Variants in MROH9 observed in about 807,000 individuals in gnomAD.
MROH9 encodes maestro heat-like repeat-containing protein family member 9.
Under a neutral mutation model 98.2 loss-of-function variants are expected in MROH9, and 92 were observed. That is an observed-to-expected ratio of 0.94 (90% CI 0.79 to 1.11). The LOEUF (loss-of-function observed/expected upper bound fraction) is 1.11, where lower values mean the gene tolerates loss of function less well. Ranked by LOEUF, MROH9 falls within the 50% of genes most tolerant of loss-of-function variation. The pLI, the probability that MROH9 is intolerant of heterozygous loss-of-function variation, is 0.00. For synonymous variants in MROH9, 397 were observed against 368.9 expected (o/e 1.08, Z -0.87); for missense variants, 1,057 against 1,014.8 (o/e 1.04, Z -0.57).
intron 3 of MROH9, among the ~76,000 whole-genome samples, chr1:170,957,016 CTTTT>C (rs36026353): frequency 7.2e-6 from 1 of 139,226 alleles, no homozygotes; most frequent in Non-Finnish European, 1.5e-5. Flanking sequence ...GGATTATCTG[CTTTT>C]TTTTTTTTTT....
intron 20 of MROH9, among the ~76,000 whole-genome samples, chr1:171,033,243 C>A (rs571942521): frequency 2.0e-5 from 3 of 152,378 alleles, no homozygotes; most frequent in African/African-American, 7.2e-5. Flanking sequence ...GCCCCTCCCC[C>A]AAGGAGCTCA....
In MROH9 at chr1:171,044,005, T is replaced by C. The variant is rs370720507; in HGVS notation, c.2282-18127T>C. Among the ~76,000 whole-genome samples, 10 of 152,302 alleles carry C rather than the reference T, an allele frequency of 6.6e-5. 1 individual carries two copies. Among genetic ancestry groups the C allele is most frequent in the African/African-American group, 1.9e-4 (8 of 41,576 alleles). ...TCTAGCTAGGACTTCTAGTACTACA[T>C]TGAATAACAGCGATGACAGTGGACA... is the stretch of plus-strand genomic sequence containing the variant. On this transcript the variant is annotated intron_variant, in intron 20 of 21. Transcript: ENST00000367759.
intron 8 of MROH9, among the ~76,000 whole-genome samples, chr1:170,978,871 C>T (rs548090301): frequency 3.5e-4 from 54 of 152,160 alleles, no homozygotes; most frequent in Admixed American, 1.2e-3. Context: ...CTCTCAAGAA[C>T]CTGGAGACAG....
chr1:171,018,957 TC>T (rs1232962327), intron 17 of MROH9, among the ~76,000 whole-genome samples: 1 of 152,072 alleles, frequency 6.6e-6, no homozygotes, highest in African/African-American at 2.4e-5. Context: ...CAGCTATGGA[TC>T]AAGTGGACCC....
chr1:171,062,139 G>A lies in MROH9; in HGVS notation c.2289G>A (p.Leu763=), dbSNP rs1654034134. 1 of 1,546,182 alleles carries A rather than the reference G, an allele frequency of 6.5e-7. No individual in the cohort carries two copies. The highest frequency in any genetic ancestry group is 1.4e-5 in the African/African-American group (1 of 72,926). ...TTTTTATTATGTGCATAGGATATTT[G>A]GCAAAATCAGGTGGTCATTTACTGC... The part of the protein sequence containing the change: ...KRASVILIGY[L]AKSGGHLLLR... The change falls in exon 21 of 22, where the codon TTG becomes TTA. Residue 763 remains leucine, a synonymous_variant. Transcript: ENST00000367759.
chr1:171,051,728 G>A (rs1370448984), intron 20 of MROH9, among the ~76,000 whole-genome samples: 2 of 152,160 alleles, frequency 1.3e-5, no homozygotes, highest in African/African-American at 4.8e-5. Context: ...TCCTGCACAT[G>A]TATCCCAGAA....
chr1:171,044,191 C>A (rs1653393638), intron 20 of MROH9, among the ~76,000 whole-genome samples: 1 of 152,088 alleles, frequency 6.6e-6, no homozygotes, highest in South Asian at 2.1e-4. Context: ...ATTAAATTAT[C>A]AAATGCTTCT....
At position 170,958,045 on chromosome 1, in the gene MROH9, G is replaced by A. The variant is rs556208760; in HGVS notation, c.73-416G>A. Among the ~76,000 whole-genome samples the A allele has an allele frequency of 3.3e-4, 50 of 152,132 alleles. 1 individual carries two copies. The East Asian group carries it at 5.0e-3, about 15-fold the overall frequency. ...AGGATGGTCTCGATCTCCTGACCTC[G>A]TGGTCCCCCCGCCTCGGCCTCCCAA... On this transcript the variant is annotated intron_variant, in intron 3 of 21. Transcript: ENST00000367759.
chr1:171,011,172 C>T lies in MROH9; in HGVS notation c.1597-2945C>T, dbSNP rs566335658. Among the ~76,000 whole-genome samples, 94 of 152,190 alleles carry T rather than the reference C, an allele frequency of 6.2e-4. No individual in the cohort carries two copies. In the South Asian group the frequency reaches 0.019, roughly 31 times the overall value. ...TAGAGACAGACAGCGAGACAGATGC[C>T]ATCCACTAAATGTAGAAAGAATGCT... On this transcript the variant is annotated intron_variant, in intron 15 of 21. Coordinates refer to ENST00000367759, the MANE Select transcript of MROH9 (RefSeq NM_001163629.2).
chr1:170,976,428 T>C (rs1650691216), intron 8 of MROH9, among the ~76,000 whole-genome samples: 1 of 152,110 alleles, frequency 6.6e-6, no homozygotes. Flanking sequence ...AGATATGAAA[T>C]TCTTGGTTGG....
intron 3 of MROH9, among the ~76,000 whole-genome samples, chr1:170,952,980 T>G (rs888571909): frequency 1.3e-5 from 2 of 151,984 alleles, no homozygotes; most frequent in Non-Finnish European, 2.9e-5. Flanking sequence ...TTATTTTTGG[T>G]TTTCAAAAAT....
At position 170,971,865 on chromosome 1, in the gene MROH9, A is replaced by G; in HGVS notation, c.598A>G (p.Ile200Val). ...ATTGGGAATGTGTCACCTCCTCTAC[A>G]TTGCACGGTGTCAGAACGGTAAGAA... is the stretch of plus-strand genomic sequence containing the variant. ...ASLGMCHLLY[I>V]ARCQNDIGTN... Residue 200 changes from isoleucine to valine, a missense_variant, in exon 8 of 22, where the codon ATT becomes GTT. Transcript: ENST00000367759. 1.2e-6 allele frequency: 2 copies of G among 1,613,990 alleles called. No homozygotes were observed. The highest frequency in any genetic ancestry group is 1.1e-5 in the South Asian group (1 of 91,066).
At chr1:170,997,662 C>G (rs1651631049) in intron 14 of MROH9, among the ~76,000 whole-genome samples, 1 of 152,134 alleles carries the variant, frequency 6.6e-6, no homozygotes, top group African/African-American at 2.4e-5. Context: ...AAGTGTGAGG[C>G]TGTCCACCAC....
chr1:170,959,910 A>G (rs565501807), intron 5 of MROH9, among the ~76,000 whole-genome samples: 1 of 152,360 alleles, frequency 6.6e-6, no homozygotes, highest in Admixed American at 6.5e-5. Flanking sequence ...GGAAGTAGAA[A>G]GAATCCTATA....
chr1:171,020,763 G>A (rs534302406), intron 17 of MROH9, among the ~76,000 whole-genome samples: 43 of 152,246 alleles, frequency 2.8e-4, no homozygotes, highest in African/African-American at 1.0e-3. Context: ...GTTCTGTTCA[G>A]GGCAATCAGG....
intron 8 of MROH9, among the ~76,000 whole-genome samples, chr1:170,981,413 T>G (rs1158747622): frequency 6.6e-6 from 1 of 152,172 alleles, no homozygotes; most frequent in Admixed American, 6.5e-5. Flanking sequence ...ATATATACAC[T>G]GGAATACTAT....
chr1:170,982,093 T>C (rs1650952464), intron 8 of MROH9, among the ~76,000 whole-genome samples: 1 of 152,202 alleles, frequency 6.6e-6, no homozygotes, highest in African/African-American at 2.4e-5. Flanking sequence ...ATTTTATATT[T>C]ACCTGAGAGA....
chr1:170,966,531 A>G (rs1650242826), intron 7 of MROH9, among the ~76,000 whole-genome samples: 1 of 152,124 alleles, frequency 6.6e-6, no homozygotes, highest in African/African-American at 2.4e-5. Context: ...TCCATTTTCT[A>G]CTGCTTGTAC....
chr1:170,977,507 T>C (rs1470840900), intron 8 of MROH9, among the ~76,000 whole-genome samples: 1 of 152,166 alleles, frequency 6.6e-6, no homozygotes, highest in Non-Finnish European at 1.5e-5. Flanking sequence ...TATTTTGTTG[T>C]TGAAGCTTTA....
Sources: allele counts gnomAD v4.1 joint callset (sites outside exome capture counted in the v4.1 genomes callset), GRCh38; gene constraint gnomAD v4.1.1; transcripts MANE v1.5; gene names NCBI Gene and HGNC (gene_info 2026-07-23, HGNC 2026-07-21).